CACNB4: variants seen among roughly 807,000 people sequenced by gnomAD.
CACNB4 encodes voltage-dependent L-type calcium channel subunit beta-4.
In CACNB4, 32 loss-of-function variants were observed where a neutral mutation model predicts 71.2. That is an observed-to-expected ratio of 0.45 (90% CI 0.34 to 0.60). CACNB4 has a LOEUF of 0.60. CACNB4 is among the 20% of genes least tolerant of loss of function. The pLI, the probability that CACNB4 is intolerant of heterozygous loss-of-function variation, is 0.01. For synonymous variants in CACNB4, 231 were observed against 236.9 expected (o/e 0.97, Z 0.23); for missense variants, 464 against 647.9 (o/e 0.72, Z 3.08).
rs1243862086 is a variant in CACNB4 at position 151,876,418 on chromosome 2, G to A, written c.521+8C>T. ...AAAAAAAAGTGCATAGAAAAGATGG[G>A]AACGTACCCTCCGTGAAAACGTCCT... On this transcript the variant is annotated splice_region_variant and intron_variant, in intron 5 of 13. Transcript: ENST00000539935. 1.3e-6 allele frequency: 2 copies of A among 1,596,180 alleles called. No homozygotes were observed. Among genetic ancestry groups the A allele is most frequent in the East Asian group, 2.3e-5 (1 of 44,166 alleles).
At chr2:152,064,760 C>A (rs1686211669) in intron 2 of CACNB4, among the ~76,000 whole-genome samples, 1 of 152,142 alleles carries the variant, frequency 6.6e-6, no homozygotes, top group Non-Finnish European at 1.5e-5. Flanking sequence ...CAGACTTTTT[C>A]ATAATTATCA....
intron 2 of CACNB4, among the ~76,000 whole-genome samples, chr2:151,985,682 T>C (rs1681318070): frequency 6.6e-6 from 1 of 152,054 alleles, no homozygotes; most frequent in Non-Finnish European, 1.5e-5. Flanking sequence ...TTTCTTTTTT[T>C]TTTTTTTGCC....
chr2:151,964,495 A>AT (rs2099870542), intron 2 of CACNB4, among the ~76,000 whole-genome samples: 2 of 152,128 alleles, frequency 1.3e-5, no homozygotes, highest in South Asian at 2.1e-4. Context: ...TTGTTTAAAG[A>AT]TTTTTCCCCC....
chr2:151,947,645 C>T (rs112553212), intron 2 of CACNB4, among the ~76,000 whole-genome samples: 1,974 of 152,228 alleles, frequency 0.013, 48 homozygotes, highest in African/African-American at 0.045. Context: ...AAGGTTCTTT[C>T]ATTTGCAAAA....
chr2:151,876,785 A>G (rs2099846442), intron 4 of CACNB4, among the ~76,000 whole-genome samples: 1 of 142,602 alleles, frequency 7.0e-6, no homozygotes, highest in Non-Finnish European at 1.5e-5. Flanking sequence ...ATACTATACT[A>G]TATACTATAT....
Position 151,924,861 on chromosome 2 carries a change from G to T in CACNB4, c.148-41491C>A, listed in dbSNP as rs116547999. Among the ~76,000 whole-genome samples the T allele has an allele frequency of 6.8e-3, 1,030 of 152,140 alleles. 6 individuals carry two copies. The highest frequency in any genetic ancestry group is 0.011 in the Non-Finnish European group (736 of 67,990). ...TGTAACACGGTTGAGGTGTGGTAAG[G>T]ATAGGTACCCTTTACACATTGTGAC... On this transcript the variant is annotated intron_variant, in intron 2 of 13. Transcript: ENST00000539935.
chr2:151,934,622 A>G (rs918585911), intron 2 of CACNB4, among the ~76,000 whole-genome samples: 1 of 152,160 alleles, frequency 6.6e-6, no homozygotes, highest in Non-Finnish European at 1.5e-5. Context: ...GCGGATCACG[A>G]GATCAAGAGA....
chr2:151,908,627 A>G (rs1277761641), intron 2 of CACNB4, among the ~76,000 whole-genome samples: 1 of 152,230 alleles, frequency 6.6e-6, no homozygotes, highest in East Asian at 1.9e-4. Context: ...TCTGTAGATA[A>G]AAAGCCAAGG....
At chr2:152,039,243 C>T (rs893410658) in intron 2 of CACNB4, among the ~76,000 whole-genome samples, 6 of 151,910 alleles carry the variant, frequency 3.9e-5, no homozygotes, top group Non-Finnish European at 2.9e-5. Flanking sequence ...ATGGTGAAAC[C>T]CCATCTCTAC....
chr2:152,004,328 C>T (rs1460293571), intron 2 of CACNB4, among the ~76,000 whole-genome samples: 1 of 152,090 alleles, frequency 6.6e-6, no homozygotes, highest in Non-Finnish European at 1.5e-5. Context: ...CAAGATCCTC[C>T]TCTCCTTTTC....
rs764709123 is a variant in CACNB4, at chr2:151,855,385, A to C, written c.869-10T>G. On this transcript the variant is annotated splice_polypyrimidine_tract_variant and intron_variant, in intron 10 of 13. Transcript: ENST00000539935. ...TCACTTTGTACTTCCGCTTAAAGGA[A>C]AAATAATAAATAGATCCCGGTTATT... The C allele has an allele frequency of 6.4e-7, 1 of 1,570,646 alleles. No individual in the cohort carries two copies. The highest frequency in any genetic ancestry group is 1.7e-5 in the Admixed American group (1 of 58,782).
At chr2:151,890,222 T>G (rs1172942711) in intron 2 of CACNB4, among the ~76,000 whole-genome samples, 5 of 152,204 alleles carry the variant, frequency 3.3e-5, no homozygotes. Flanking sequence ...AGACAAGTTC[T>G]GCTTACAATC....
intron 2 of CACNB4, 50 bp from the exon 3 acceptor site, chr2:151,883,420 G>A: frequency 6.2e-7 from 1 of 1,600,236 alleles, no homozygotes; most frequent in Non-Finnish European, 8.6e-7. Context: ...TTCTTAAATT[G>A]TCACATCCAT....
chr2:151,874,462 T>C (rs1463862480), intron 5 of CACNB4, among the ~76,000 whole-genome samples: 1 of 126,422 alleles, frequency 7.9e-6, no homozygotes, highest in Non-Finnish European at 1.7e-5. Flanking sequence ...AGCGAGACTC[T>C]AAGAAAAAAA....
chr2:151,988,655 T>C (rs954242669), intron 2 of CACNB4, among the ~76,000 whole-genome samples: 2 of 152,146 alleles, frequency 1.3e-5, no homozygotes, highest in African/African-American at 4.8e-5. Context: ...TCCCAGTTCC[T>C]GGTTTGCAGA....
chr2:151,922,649 T>C (rs2099859260), intron 2 of CACNB4, among the ~76,000 whole-genome samples: 2 of 152,234 alleles, frequency 1.3e-5, no homozygotes. Context: ...CAGGGGCTTA[T>C]ATGATTCATG....
chr2:151,953,281 C>T (rs568044188), intron 2 of CACNB4, among the ~76,000 whole-genome samples: 10 of 152,200 alleles, frequency 6.6e-5, no homozygotes, highest in South Asian at 2.1e-4. Context: ...GTGGGTCCCA[C>T]GGCCATGTCC....
chr2:152,002,224 CT>C (rs1560122914), intron 2 of CACNB4, among the ~76,000 whole-genome samples: 3 of 152,166 alleles, frequency 2.0e-5, no homozygotes, highest in African/African-American at 7.2e-5. Context: ...AGAGAAGAGG[CT>C]TTTTTTGTTC....
At chr2:152,073,815 T>C (rs960945279) in intron 2 of CACNB4, among the ~76,000 whole-genome samples, 10 of 152,318 alleles carry the variant, frequency 6.6e-5, no homozygotes, top group Admixed American at 1.3e-4. Flanking sequence ...AATGCAATCC[T>C]CTAGCATTAA....
Sources: allele counts gnomAD v4.1 joint callset (sites outside exome capture counted in the v4.1 genomes callset), GRCh38; gene constraint gnomAD v4.1.1; transcripts MANE v1.5; gene names NCBI Gene and HGNC (gene_info 2026-07-23, HGNC 2026-07-21).